The following ZBTB20 variants were observed in gnomAD, a reference collection of about 807,000 sequenced individuals.
ZBTB20 encodes zinc finger and BTB domain containing 20.
A neutral mutation model predicts 56.9 loss-of-function variants in ZBTB20; 9 were observed. The ratio of observed to expected loss-of-function variants is 0.16; its 90% CI spans 0.10 to 0.28. The LOEUF (loss-of-function observed/expected upper bound fraction) is 0.28, where lower values mean the gene tolerates loss of function less well. Among genes scored for constraint, ZBTB20 ranks in the 10% least tolerant of loss-of-function variants. The pLI is 1.00. For synonymous variants in ZBTB20, 417 were observed against 420.7 expected (o/e 0.99, Z 0.11); for missense variants, 655 against 1,003.0 (o/e 0.65, Z 4.69).
intron 1 of ZBTB20, among the ~76,000 whole-genome samples, chr3:115,127,658 T>C (rs935768314): frequency 3.3e-5 from 5 of 152,068 alleles, no homozygotes; most frequent in South Asian, 4.1e-4. Flanking sequence ...ACCACCTCCA[T>C]TGTTTTAAGA....
At chr3:114,425,856 G>A (rs2718435) in intron 7 of ZBTB20, among the ~76,000 whole-genome samples, 140,239 of 152,292 alleles carry the variant, frequency 0.92, 65,676 homozygotes, top group East Asian at 1. Context: ...CAAATTCTGT[G>A]TAACCACAGT....
chr3:114,723,141 C>G (rs1292372820), intron 5 of ZBTB20, among the ~76,000 whole-genome samples: 2 of 151,874 alleles, frequency 1.3e-5, no homozygotes, highest in East Asian at 3.9e-4. Flanking sequence ...AAGGTTATAC[C>G]CTTCCCTTTT....
chr3:115,028,287 AAAAC>A (rs2080510447), intron 2 of ZBTB20, among the ~76,000 whole-genome samples: 1 of 150,826 alleles, frequency 6.6e-6, no homozygotes, highest in Non-Finnish European at 1.5e-5. Flanking sequence ...GCAAAAGCCT[AAAAC>A]AGTACAGCAA....
intron 3 of ZBTB20, among the ~76,000 whole-genome samples, chr3:114,918,518 C>T (rs2075833313): frequency 6.6e-6 from 1 of 152,156 alleles, no homozygotes; most frequent in Non-Finnish European, 1.5e-5. Context: ...ATGCCCATGA[C>T]ATGTACTGCC....
chr3:114,390,816 G>A (rs1037420312), intron 7 of ZBTB20, among the ~76,000 whole-genome samples: 1 of 152,236 alleles, frequency 6.6e-6, no homozygotes, highest in Non-Finnish European at 1.5e-5. Context: ...ACTTTGAGAA[G>A]TTCACATCGC....
At chr3:115,071,939 G>T (rs1181286283) in intron 1 of ZBTB20, among the ~76,000 whole-genome samples, 2 of 152,156 alleles carry the variant, frequency 1.3e-5, no homozygotes, top group Admixed American at 1.3e-4. Flanking sequence ...CATGCCAGAG[G>T]GATGTGCCAC....
intron 5 of ZBTB20, among the ~76,000 whole-genome samples, chr3:114,784,418 A>G (rs1248337337): frequency 1.3e-5 from 2 of 152,228 alleles, no homozygotes; most frequent in African/African-American, 4.8e-5. Flanking sequence ...TGCACAAAAT[A>G]CAATTAAATA....
At chr3:114,936,299 C>T (rs376597079) in intron 3 of ZBTB20, among the ~76,000 whole-genome samples, 1 of 152,170 alleles carries the variant, frequency 6.6e-6, no homozygotes, top group Non-Finnish European at 1.5e-5. Flanking sequence ...CGCACACACA[C>T]GTATGCAATA....
chr3:115,048,008 C>G (rs1358018403), intron 2 of ZBTB20, among the ~76,000 whole-genome samples: 1 of 151,918 alleles, frequency 6.6e-6, no homozygotes, highest in Non-Finnish European at 1.5e-5. Flanking sequence ...AACACGAGGT[C>G]AGGAGATCGA....
At chr3:114,637,803 T>C (rs940081390) in intron 6 of ZBTB20, among the ~76,000 whole-genome samples, 1 of 152,154 alleles carries the variant, frequency 6.6e-6, no homozygotes, top group African/African-American at 2.4e-5. Context: ...TTTAAGCTTT[T>C]ATTCTTTCTA....
At chr3:114,898,991 A>G (rs2074999485) in intron 4 of ZBTB20, among the ~76,000 whole-genome samples, 1 of 152,170 alleles carries the variant, frequency 6.6e-6, no homozygotes, top group South Asian at 2.1e-4. Flanking sequence ...AGTAAAATAT[A>G]CAATCTATAA....
intron 6 of ZBTB20, among the ~76,000 whole-genome samples, chr3:114,660,105 G>C (rs577136940): frequency 6.6e-6 from 1 of 152,182 alleles, no homozygotes; most frequent in Non-Finnish European, 1.5e-5. Flanking sequence ...ACTTGTGCTT[G>C]TTTAAGAAAA....
At chr3:114,372,873 A>G (rs1264574685) in intron 10 of ZBTB20, among the ~76,000 whole-genome samples, 1 of 152,140 alleles carries the variant, frequency 6.6e-6, no homozygotes, top group East Asian at 1.9e-4. Context: ...AAGAAAATTT[A>G]TTTTGTGATT....
chr3:114,660,087 C>T (rs2060636753), intron 6 of ZBTB20, among the ~76,000 whole-genome samples: 1 of 151,826 alleles, frequency 6.6e-6, no homozygotes, highest in Non-Finnish European at 1.5e-5. Flanking sequence ...ATGTATTTTC[C>T]ATTGACCACT....
At chr3:114,734,878 C>T (rs533891519) in intron 5 of ZBTB20, among the ~76,000 whole-genome samples, 2 of 152,186 alleles carry the variant, frequency 1.3e-5, no homozygotes, top group Non-Finnish European at 2.9e-5. Context: ...GGCACTCACA[C>T]ACAGCCACAT....
chr3:114,461,426 C>A (rs2092326755), intron 7 of ZBTB20, among the ~76,000 whole-genome samples: 1 of 151,982 alleles, frequency 6.6e-6, no homozygotes, highest in Non-Finnish European at 1.5e-5. Context: ...CCTCAGCATC[C>A]AGAGTAGCTG....
chr3:115,146,925 A>G (rs6438232), intron 1 of ZBTB20, among the ~76,000 whole-genome samples: 56,562 of 147,496 alleles, frequency 0.38, 13,799 homozygotes, highest in African/African-American at 0.67. Context: ...CCTCCCTCCC[A>G]CCTCCCCGCC....
At chr3:114,432,648 G>C (rs891722222) in intron 7 of ZBTB20, among the ~76,000 whole-genome samples, 3 of 152,180 alleles carry the variant, frequency 2.0e-5, no homozygotes, top group African/African-American at 7.2e-5. Context: ...AGCTGAGGAG[G>C]GACTGGCTCT....
intron 6 of ZBTB20, among the ~76,000 whole-genome samples, chr3:114,672,516 C>T (rs887269910): frequency 1.3e-5 from 2 of 152,128 alleles, no homozygotes; most frequent in Non-Finnish European, 2.9e-5. Context: ...AACAGTCCAG[C>T]CCTGCCCAAA....
Sources: allele counts gnomAD v4.1 joint callset (sites outside exome capture counted in the v4.1 genomes callset), GRCh38; gene constraint gnomAD v4.1.1; transcripts MANE v1.5; gene names NCBI Gene and HGNC (gene_info 2026-07-23, HGNC 2026-07-21).